GRID1: variants seen among roughly 807,000 people sequenced by gnomAD.
The protein encoded by GRID1 is glutamate ionotropic receptor delta type subunit 1.
GRID1 carries 28 observed loss-of-function variants against 98.0 expected under a neutral mutation model. The observed-to-expected ratio is 0.29, with a 90% confidence interval of 0.21 to 0.39. The LOEUF (loss-of-function observed/expected upper bound fraction) is 0.39, where lower values mean the gene tolerates loss of function less well. Among genes scored for constraint, GRID1 ranks in the 10% least tolerant of loss-of-function variants. The pLI is 1.00. For missense variants in GRID1, 1,111 were observed against 1,340.5 expected (o/e 0.83, Z 2.67); for synonymous variants, 553 against 538.5 (o/e 1.03, Z -0.37).
chr10:86,192,506 A>C lies in GRID1; in HGVS notation c.520+13858T>G, dbSNP rs1168188936. 6.6e-6 allele frequency among the ~76,000 whole-genome samples: 1 copy of C among 151,900 alleles called. No individual in the cohort carries two copies. The highest frequency in any genetic ancestry group is 1.5e-5 in the Non-Finnish European group (1 of 67,986). ...TAGTCAAAGTCAAGAGACAGGAAGG[A>C]GAACAGTGGGTGCTGAGGGCTGAAG... On this transcript the variant is annotated intron_variant, in intron 3 of 15. Coordinates refer to ENST00000327946, the MANE Select transcript of GRID1 (RefSeq NM_017551.3). The surrounding 1 kb of genome is among the most constrained non-coding windows in gnomAD (Gnocchi z 4.8).
chr10:85,853,573 C>A (rs2131779881), intron 8 of GRID1, among the ~76,000 whole-genome samples: 1 of 152,282 alleles, frequency 6.6e-6, no homozygotes, highest in East Asian at 1.9e-4. Flanking sequence ...CATGAGTAGT[C>A]CCATCTCTGG....
intron 8 of GRID1, among the ~76,000 whole-genome samples, chr10:85,784,323 A>G (rs1331690047): frequency 6.6e-6 from 1 of 152,192 alleles, no homozygotes; most frequent in Non-Finnish European, 1.5e-5. Flanking sequence ...TAAACACTCC[A>G]CAGCATGCAC....
chr10:85,974,098 C>T (rs746682872), intron 4 of GRID1, among the ~76,000 whole-genome samples: 7 of 152,128 alleles, frequency 4.6e-5, no homozygotes, highest in Non-Finnish European at 1.0e-4. Flanking sequence ...GGTAGGTGGA[C>T]GCCTGCTTTC....
chr10:86,332,789 T>A (rs1359482101), intron 2 of GRID1, among the ~76,000 whole-genome samples: 1 of 151,968 alleles, frequency 6.6e-6, no homozygotes, highest in East Asian at 2.0e-4. Flanking sequence ...TGACTCCTCA[T>A]CTCAAAGATG....
intron 13 of GRID1, among the ~76,000 whole-genome samples, chr10:85,630,632 T>C (rs1842964644): frequency 6.6e-6 from 1 of 152,056 alleles, no homozygotes; most frequent in South Asian, 2.1e-4. Flanking sequence ...CTTCAAGTCT[T>C]CTCCAGATCT....
chr10:86,017,247 G>A lies in GRID1; in HGVS notation c.727-101008C>T, dbSNP rs10887550. On this transcript the variant is annotated intron_variant, in intron 4 of 15. Transcript: ENST00000327946. ...GAATAACAACTGAAAATAGAATTCC[G>A]GGCACATGGGTAAGTATCAAGAGAC... Among the ~76,000 whole-genome samples the A allele has an allele frequency of 7.9e-3, 1,195 of 152,228 alleles. 62 individuals carry two copies. In the East Asian group the frequency reaches 0.16, roughly 21 times the overall value.
intron 4 of GRID1, among the ~76,000 whole-genome samples, chr10:86,036,481 A>T (rs145078809): frequency 2.0e-5 from 3 of 152,264 alleles, no homozygotes; most frequent in Non-Finnish European, 4.4e-5. Context: ...CTGTGACCAC[A>T]TCGCCGTTCC....
At position 85,714,147 on chromosome 10, in the gene GRID1, C is replaced by G. The variant is rs1400938902; in HGVS notation, c.1997+8856G>C. 2.0e-5 allele frequency among the ~76,000 whole-genome samples: 3 copies of G among 151,444 alleles called. No individual in the cohort carries two copies. In the East Asian group the frequency reaches 5.8e-4, roughly 29 times the overall value. On this transcript the variant is annotated intron_variant, in intron 12 of 15. Transcript: ENST00000327946. ...AAGGCCATTATTCGAAGCAAACTAACAGAGGAACAGAAAACTAAATACCAC... is the reference window on the plus strand; with the variant it reads ...AAGGCCATTATTCGAAGCAAACTAAGAGAGGAACAGAAAACTAAATACCAC...
chr10:86,250,714 C>T (rs75194038), intron 2 of GRID1, among the ~76,000 whole-genome samples: 1 of 151,328 alleles, frequency 6.6e-6, no homozygotes, highest in African/African-American at 2.4e-5. Context: ...GCCGCCGCCC[C>T]GTCTGGGAGG....
At chr10:85,887,428 C>T (rs1841440777) in intron 5 of GRID1, among the ~76,000 whole-genome samples, 1 of 152,300 alleles carries the variant, frequency 6.6e-6, no homozygotes, top group Admixed American at 6.5e-5. Context: ...CAGCAACTTG[C>T]CAAAGAGGGT....
At chr10:86,282,309 C>A (rs1847368011) in intron 2 of GRID1, among the ~76,000 whole-genome samples, 1 of 152,152 alleles carries the variant, frequency 6.6e-6, no homozygotes, top group Admixed American at 6.5e-5. Flanking sequence ...AATCATTGGA[C>A]CTCTCTGGGC....
intron 8 of GRID1, among the ~76,000 whole-genome samples, chr10:85,825,354 A>C (rs977432962): frequency 1.4e-5 from 2 of 147,898 alleles, no homozygotes; most frequent in African/African-American, 5.0e-5. Flanking sequence ...GTGTCTATTC[A>C]TGTCATTTGT....
At chr10:85,819,928 TGA>T (rs917170241) in intron 8 of GRID1, among the ~76,000 whole-genome samples, 6 of 108,944 alleles carry the variant, frequency 5.5e-5, no homozygotes, top group Admixed American at 1.2e-4. Context: ...AAAGAGAGAA[TGA>T]GAGAGAGAGA....
chr10:86,147,760 A>G (rs140962983), intron 3 of GRID1, among the ~76,000 whole-genome samples: 2 of 152,310 alleles, frequency 1.3e-5, no homozygotes, highest in African/African-American at 4.8e-5. Context: ...CTTGCTCCAG[A>G]GCATGCCTTT....
intron 4 of GRID1, among the ~76,000 whole-genome samples, chr10:86,075,611 A>T (rs1274887032): frequency 6.6e-6 from 1 of 152,210 alleles, no homozygotes; most frequent in Non-Finnish European, 1.5e-5. Flanking sequence ...ACTATCCCAC[A>T]GGCACAGCAA....
At chr10:86,318,577 C>G (rs766875041) in intron 2 of GRID1, among the ~76,000 whole-genome samples, 3 of 152,186 alleles carry the variant, frequency 2.0e-5, no homozygotes, top group Non-Finnish European at 2.9e-5. Context: ...ACAAGAGAAC[C>G]CACACAGGCT....
intron 2 of GRID1, among the ~76,000 whole-genome samples, chr10:86,273,651 C>A (rs1475161822): frequency 6.6e-6 from 1 of 152,092 alleles, no homozygotes; most frequent in Non-Finnish European, 1.5e-5. Context: ...ATTTGCATTT[C>A]TCTGATGGCC....
intron 8 of GRID1, among the ~76,000 whole-genome samples, chr10:85,817,604 T>A (rs1842727341): frequency 6.6e-6 from 1 of 150,464 alleles, no homozygotes; most frequent in Admixed American, 6.6e-5. Context: ...AAAAAATAAA[T>A]TTCAGAAGGC....
chr10:85,684,449 G>A (rs892120739), intron 12 of GRID1, among the ~76,000 whole-genome samples: 3 of 152,088 alleles, frequency 2.0e-5, no homozygotes, highest in Admixed American at 6.5e-5. Flanking sequence ...AACTATCTAT[G>A]TAATTTGTTA....
Sources: gnomAD v4.1 joint callset for allele counts (sites outside exome capture counted in the v4.1 genomes callset) on GRCh38, gnomAD v4.1.1 for gene constraint, Gnocchi (gnomAD v3.1) non-coding constraint, MANE v1.5 for transcripts, NCBI Gene and HGNC (gene_info 2026-07-23, HGNC 2026-07-21) for gene names.